Variants in MCM9 observed in about 807,000 individuals in gnomAD.
The protein encoded by MCM9 is minichromosome maintenance 9 homologous recombination repair factor.
MCM9 carries 55 observed loss-of-function variants against 72.8 expected under a neutral mutation model. That is an observed-to-expected ratio of 0.76 (90% CI 0.61 to 0.95). The LOEUF (loss-of-function observed/expected upper bound fraction) is 0.95, where lower values mean the gene tolerates loss of function less well. Among genes scored for constraint, MCM9 ranks in the 40% least tolerant of loss-of-function variants. MCM9 has a pLI of 0.00. For synonymous variants in MCM9, 480 were observed against 503.4 expected, an observed-to-expected ratio of 0.95 and a Z score of 0.62; for missense variants, 1,279 against 1,377.0, an observed-to-expected ratio of 0.93 and a Z score of 1.13.
At chr6:118,881,074 T>G (rs928224130) in intron 8 of MCM9, among the ~76,000 whole-genome samples, 1 of 152,208 alleles carries the variant, frequency 6.6e-6, no homozygotes, top group South Asian at 2.1e-4. Flanking sequence ...GTGGTCTTTC[T>G]CAAAATATCT....
intron 4 of MCM9, among the ~76,000 whole-genome samples, chr6:118,922,602 A>C (rs1292508040): frequency 2.6e-5 from 4 of 152,248 alleles, no homozygotes; most frequent in Non-Finnish European, 5.9e-5. Flanking sequence ...CAGACAATGC[A>C]AGAGACTTCT....
intron 8 of MCM9, among the ~76,000 whole-genome samples, chr6:118,880,871 T>C (rs772536906): frequency 6.6e-6 from 1 of 152,196 alleles, no homozygotes; most frequent in Non-Finnish European, 1.5e-5. Context: ...AGTCTCTCCT[T>C]ATCCACAGGG....
At chr6:118,829,798 G>T (rs1774407599) in intron 9 of MCM9, among the ~76,000 whole-genome samples, 2 of 152,194 alleles carry the variant, frequency 1.3e-5, no homozygotes, top group South Asian at 2.1e-4. Context: ...CTGGAGAATA[G>T]TGAGTGGTTG....
In MCM9 at chr6:118,815,515, C is replaced by A. The variant is rs1390666468; in HGVS notation, c.2741G>T (p.Gly914Val). 6.5e-7 allele frequency: 1 copy of A among 1,547,966 alleles called. No individual in the cohort carries two copies. The highest frequency in any genetic ancestry group is 2.0e-5 in the Admixed American group (1 of 50,436). The change falls in exon 14 of 14, where the codon GGT (glycine) becomes GTT (valine). Residue 914 changes from glycine to valine, a missense_variant. Coordinates refer to ENST00000619706, the MANE Select transcript of MCM9 (RefSeq NM_017696.3). ...TTTTGCCAGTTTGGCCACAGGGGAA[C>A]CTGGAGGCTTAACATTTTCAATTGC... ...EPAIENVKPP[G>V]SPVAKLAKFT...
intron 8 of MCM9, among the ~76,000 whole-genome samples, chr6:118,879,963 G>C (rs1045537498): frequency 9.9e-5 from 15 of 151,894 alleles, no homozygotes; most frequent in African/African-American, 3.4e-4. Context: ...AGAATCACTT[G>C]AACCTGGGAG....
intron 8 of MCM9, among the ~76,000 whole-genome samples, chr6:118,870,808 A>T (rs1777551491): frequency 1.3e-5 from 2 of 152,180 alleles, no homozygotes; most frequent in African/African-American, 4.8e-5. Flanking sequence ...GAAGGATTAT[A>T]AGAGACTACT....
chr6:118,905,417 T>C (rs1780113781), intron 8 of MCM9, among the ~76,000 whole-genome samples: 2 of 152,216 alleles, frequency 1.3e-5, no homozygotes, highest in South Asian at 2.1e-4. Flanking sequence ...CTTTTACAAG[T>C]GTAGTCATGC....
intron 9 of MCM9, among the ~76,000 whole-genome samples, chr6:118,844,438 T>C (rs1259397417): frequency 6.6e-6 from 1 of 151,298 alleles, no homozygotes; most frequent in African/African-American, 2.4e-5. Context: ...ATGATAGATA[T>C]ACAATTGTAA....
At chr6:118,837,840 G>C (rs1220395026) in intron 9 of MCM9, among the ~76,000 whole-genome samples, 1 of 152,080 alleles carries the variant, frequency 6.6e-6, no homozygotes, top group Non-Finnish European at 1.5e-5. Flanking sequence ...CTTTTAATTG[G>C]GACATTTAGC....
intron 5 of MCM9, chr6:118,920,119 TGATG>T (rs904586558): frequency 1.3e-5 from 2 of 152,190 alleles, no homozygotes; most frequent in African/African-American, 4.8e-5. Context: ...TATTCTCAAT[TGATG>T]GATATTTTCA....
intron 13 of MCM9, among the ~76,000 whole-genome samples, chr6:118,818,894 T>G (rs1375316765): frequency 6.6e-6 from 1 of 152,224 alleles, no homozygotes; most frequent in Non-Finnish European, 1.5e-5. Flanking sequence ...GTAGCAATTG[T>G]GAATGGAAGT....
intron 8 of MCM9, among the ~76,000 whole-genome samples, chr6:118,866,440 C>T (rs563439304): frequency 1.3e-5 from 2 of 152,124 alleles, no homozygotes; most frequent in East Asian, 3.9e-4. Flanking sequence ...AGATGCTCAC[C>T]AGGGTCAACA....
chr6:118,920,795 G>C (rs1781364192), intron 5 of MCM9: 1 of 152,268 alleles, frequency 6.6e-6, no homozygotes, highest in African/African-American at 2.4e-5. Context: ...TGTACAGCCT[G>C]TGGAACTGTG....
intron 8 of MCM9, 104 bp downstream of exon 8, chr6:118,911,546 T>A: frequency 7.0e-7 from 1 of 1,420,932 alleles, no homozygotes; most frequent in Non-Finnish European, 9.2e-7. Flanking sequence ...AACTCAAAAA[T>A]TAGCTTGAAA....
chr6:118,916,369 A>C (rs9489541), intron 6 of MCM9, among the ~76,000 whole-genome samples: 10,124 of 143,816 alleles, frequency 0.07, 487 homozygotes, highest in East Asian at 0.19. Flanking sequence ...CACACACACA[A>C]AAAAAAAAGA....
chr6:118,933,964 C>CAAAAAAA (rs58109173), intron 1 of MCM9, among the ~76,000 whole-genome samples: 2,353 of 100,140 alleles, frequency 0.023, 59 homozygotes, highest in African/African-American at 0.031. Flanking sequence ...GGACTTTGCC[C>CAAAAAAA]AAAAAAAAAA....
At chr6:118,898,939 A>T (rs983459634) in intron 8 of MCM9, among the ~76,000 whole-genome samples, 1 of 152,092 alleles carries the variant, frequency 6.6e-6, no homozygotes, top group African/African-American at 2.4e-5. Context: ...ACAGGTTCCA[A>T]ATTTTTATCC....
chr6:118,883,024 T>G (rs1415855882), intron 8 of MCM9, among the ~76,000 whole-genome samples: 1 of 128,022 alleles, frequency 7.8e-6, no homozygotes, highest in South Asian at 2.3e-4. Context: ...TCAAATGTAG[T>G]GGGCAAAGCC....
chr6:118,834,619 C>T (rs1375635227), intron 9 of MCM9, among the ~76,000 whole-genome samples: 1 of 151,908 alleles, frequency 6.6e-6, no homozygotes, highest in Non-Finnish European at 1.5e-5. Context: ...TGATGATGAG[C>T]TTTTTTTCAC....
Sources: allele counts gnomAD v4.1 joint callset (sites outside exome capture counted in the v4.1 genomes callset), GRCh38; gene constraint gnomAD v4.1.1; transcripts MANE v1.5; gene names NCBI Gene and HGNC (gene_info 2026-07-23, HGNC 2026-07-21).